Variants in LEPR observed in about 807,000 individuals in gnomAD.
The protein encoded by LEPR is leptin receptor, also known as OB receptor.
Under a neutral mutation model 114.7 loss-of-function variants are expected in LEPR, and 56 were observed. The observed-to-expected ratio is 0.49, with a 90% CI of 0.39 to 0.61. The LOEUF (loss-of-function observed/expected upper bound fraction) is 0.61. Among genes scored for constraint, LEPR ranks in the 20% least tolerant of loss-of-function variants. The pLI is 0.00. For synonymous variants in LEPR, 443 were observed against 461.4 expected (o/e 0.96, Z 0.51); for missense variants, 1,202 against 1,352.9 (o/e 0.89, Z 1.75).
intron 2 of LEPR, among the ~76,000 whole-genome samples, chr1:65,499,255 T>A (rs371432331): frequency 6.6e-6 from 1 of 152,108 alleles, no homozygotes; most frequent in Non-Finnish European, 1.5e-5. Flanking sequence ...GCAAACTAAT[T>A]GTAAGTCAAG....
At chr1:65,486,058 C>T (rs1042447042) in intron 2 of LEPR, among the ~76,000 whole-genome samples, 1 of 152,150 alleles carries the variant, frequency 6.6e-6, no homozygotes, top group African/African-American at 2.4e-5. Context: ...TCTCCACTTG[C>T]TGTAGTTGGA....
chr1:65,635,547 C>T, intron 19 of LEPR: 1 of 212,640 alleles, frequency 4.7e-6, no homozygotes, highest in Non-Finnish European at 8.1e-6. Flanking sequence ...TCATTGTTCT[C>T]TACATATGAT....
intron 2 of LEPR, among the ~76,000 whole-genome samples, chr1:65,549,721 T>G (rs1477028508): frequency 1.3e-5 from 2 of 152,128 alleles, no homozygotes; most frequent in African/African-American, 2.4e-5. Flanking sequence ...TGTCTAAATT[T>G]TTTTCAAAGT....
intron 5 of LEPR, among the ~76,000 whole-genome samples, chr1:65,573,179 A>G (rs1369426390): frequency 3.9e-5 from 6 of 152,206 alleles, no homozygotes; most frequent in African/African-American, 1.2e-4. Flanking sequence ...TTCCCATGTT[A>G]TGGCTACATG....
intron 2 of LEPR, among the ~76,000 whole-genome samples, chr1:65,490,815 C>G (rs1018162877): frequency 6.6e-6 from 1 of 152,126 alleles, no homozygotes; most frequent in Admixed American, 6.6e-5. Flanking sequence ...GGTCTCCACC[C>G]TCTTGGATGA....
chr1:65,480,041 A>G (rs958186069), intron 2 of LEPR, among the ~76,000 whole-genome samples: 3 of 152,196 alleles, frequency 2.0e-5, no homozygotes, highest in African/African-American at 7.2e-5. Context: ...AGGGTTTAGA[A>G]TGCGAGCAGT....
intron 2 of LEPR, chr1:65,435,752 G>A (rs955122666): frequency 1.0e-6 from 1 of 984,592 alleles, no homozygotes; most frequent in Non-Finnish European, 1.2e-6. Context: ...CATTTTCCAA[G>A]CATAGTAATT....
intron 5 of LEPR, among the ~76,000 whole-genome samples, chr1:65,582,116 C>T (rs931963691): frequency 2.8e-4 from 42 of 152,294 alleles, no homozygotes; most frequent in African/African-American, 8.2e-4. Flanking sequence ...TATGGCAGCA[C>T]CCCACTTTCA....
chr1:65,471,594 GT>G, intron 2 of LEPR, among the ~76,000 whole-genome samples: 1 of 152,296 alleles, frequency 6.6e-6, no homozygotes, highest in Middle Eastern at 3.4e-3. Flanking sequence ...TGGTTGACCT[GT>G]TTTTCCAAAA....
intron 2 of LEPR, among the ~76,000 whole-genome samples, chr1:65,426,999 A>G (rs79977918): frequency 1.9e-5 from 1 of 52,106 alleles, no homozygotes; most frequent in African/African-American, 8.5e-5. Flanking sequence ...TTTGTCTCCA[A>G]AAAAAAAAAA....
rs72311704 is a variant in LEPR, at chr1:65,571,971, C to CAA, written c.371-338_371-337dup. 1.5e-4 allele frequency among the ~76,000 whole-genome samples: 9 copies of CAA among 60,664 alleles called. 1 individual carries two copies. The highest frequency in any genetic ancestry group is 3.4e-4 in the African/African-American group (5 of 14,714). 39.8% of individuals were successfully genotyped at this position (60,664 alleles called of 152,430 possible). ...TGGGTGACAGAGTGACACCCCATCT[C>CAA]AAAAAAAAAAAAAAAAAAGGAAAGA... On this transcript the variant is annotated intron_variant, in intron 4 of 19. Coordinates refer to ENST00000349533, the MANE Select transcript of LEPR (RefSeq NM_002303.6).
At chr1:65,464,850 A>T (rs1646989566) in intron 2 of LEPR, among the ~76,000 whole-genome samples, 1 of 152,124 alleles carries the variant, frequency 6.6e-6, no homozygotes, top group Non-Finnish European at 1.5e-5. Context: ...GGTAGTTTGT[A>T]TTTCTGTGGG....
chr1:65,531,422 C>CTT (rs1650390017), intron 2 of LEPR, among the ~76,000 whole-genome samples: 1 of 134,954 alleles, frequency 7.4e-6, no homozygotes, highest in Non-Finnish European at 1.6e-5. Flanking sequence ...CTTTCCTTTC[C>CTT]TCCTTTCCTT....
chr1:65,507,748 A>G (rs1159794131), intron 2 of LEPR, among the ~76,000 whole-genome samples: 1 of 151,998 alleles, frequency 6.6e-6, no homozygotes, highest in Non-Finnish European at 1.5e-5. Context: ...TTTAGTTTTC[A>G]TATTTTTAAA....
chr1:65,500,102 C>G (rs572807438), intron 2 of LEPR, among the ~76,000 whole-genome samples: 206 of 152,240 alleles, frequency 1.4e-3, no homozygotes, highest in Non-Finnish European at 2.3e-3. Flanking sequence ...ATTGCTCTCC[C>G]TTTCCTGGTG....
chr1:65,570,244 A>T (rs1363028504), intron 3 of LEPR, among the ~76,000 whole-genome samples: 1 of 152,230 alleles, frequency 6.6e-6, no homozygotes, highest in Non-Finnish European at 1.5e-5. Flanking sequence ...GTGAGTCTTC[A>T]AAAAGAAAAG....
intron 2 of LEPR, among the ~76,000 whole-genome samples, chr1:65,531,773 C>T (rs990535061): frequency 7.9e-5 from 12 of 152,088 alleles, no homozygotes; most frequent in Admixed American, 5.9e-4. Flanking sequence ...TTCCTTTCTT[C>T]TTCCCTCACC....
At chr1:65,547,967 A>T (rs1035076441) in intron 2 of LEPR, among the ~76,000 whole-genome samples, 3 of 150,626 alleles carry the variant, frequency 2.0e-5, no homozygotes, top group Non-Finnish European at 4.4e-5. Flanking sequence ...TTCTCTCTAC[A>T]CACTGCTTTG....
At chr1:65,550,227 G>A (rs191154364) in intron 2 of LEPR, among the ~76,000 whole-genome samples, 7 of 152,252 alleles carry the variant, frequency 4.6e-5, no homozygotes, top group South Asian at 4.1e-4. Flanking sequence ...GCCCCTACTG[G>A]GGGGTGCCTC....
Sources: allele counts gnomAD v4.1 joint callset (sites outside exome capture counted in the v4.1 genomes callset), GRCh38; gene constraint gnomAD v4.1.1; transcripts MANE v1.5; gene names NCBI Gene and HGNC (gene_info 2026-07-23, HGNC 2026-07-21).